The following GLMN variants were observed in gnomAD, a reference collection of about 807,000 sequenced individuals.
GLMN encodes the protein glomulin, FKBP associated protein.
GLMN carries 75 observed loss-of-function variants against 87.8 expected under a neutral mutation model. The observed-to-expected ratio is 0.85, with a 90% CI of 0.71 to 1.04. The LOEUF (loss-of-function observed/expected upper bound fraction) is 1.04, where lower values mean the gene tolerates loss of function less well. GLMN is among the 50% of genes least tolerant of loss of function. The pLI is 0.00. For missense variants in GLMN, 588 were observed against 658.8 expected (o/e 0.89, Z 1.18); for synonymous variants, 206 against 221.6 (o/e 0.93, Z 0.63).
At chr1:92,311,983 G>T in the GLMN span, among the ~76,000 whole-genome samples, 1 of 152,180 alleles carries the variant, frequency 6.6e-6, no homozygotes, top group Non-Finnish European at 1.5e-5. Context: ...TCTATAGGTT[G>T]GGATGGCTGT....
chr1:92,335,747 T>C, the GLMN span, among the ~76,000 whole-genome samples: 1 of 152,228 alleles, frequency 6.6e-6, no homozygotes, highest in Admixed American at 6.5e-5. Flanking sequence ...TTCTATTAAA[T>C]GGGTATAGCA....
At chr1:92,300,285 T>G (rs773787544), upstream of GLMN, 54 of 1,413,028 alleles carry the variant, frequency 3.8e-5, no homozygotes, top group Non-Finnish European at 5.2e-5. Context: ...CTACTTATCT[T>G]GTATTACTTG....
the GLMN span, among the ~76,000 whole-genome samples, chr1:92,319,594 A>G: frequency 6.6e-6 from 1 of 152,186 alleles, no homozygotes; most frequent in Non-Finnish European, 1.5e-5. Context: ...TTTCTCAGAA[A>G]TTAAGGCAAA....
intron 2 of GLMN, 107 bp downstream of exon 2, chr1:92,297,854 G>A: frequency 1.4e-6 from 1 of 705,528 alleles, no homozygotes. Context: ...AAAAAAGCAA[G>A]GATTAAAGAA....
intron 16 of GLMN, among the ~76,000 whole-genome samples, chr1:92,251,790 A>G (rs542376943): frequency 3.3e-4 from 42 of 126,198 alleles, no homozygotes; most frequent in Admixed American, 5.8e-4. Context: ...TCTGATTCCC[A>G]AAACTTTTTT....
the GLMN span, among the ~76,000 whole-genome samples, chr1:92,354,501 A>C: frequency 6.6e-6 from 1 of 152,238 alleles, no homozygotes; most frequent in Non-Finnish European, 1.5e-5. Context: ...GTAATATATC[A>C]CCACAAAGTG....
chr1:92,285,802 G>T (rs1017362390), intron 7 of GLMN, among the ~76,000 whole-genome samples: 1 of 152,160 alleles, frequency 6.6e-6, no homozygotes, highest in Middle Eastern at 3.4e-3. Flanking sequence ...TTGAAATTCA[G>T]AAACATCAAC....
the GLMN span, among the ~76,000 whole-genome samples, chr1:92,356,149 A>T: frequency 2.6e-5 from 4 of 151,544 alleles, no homozygotes; most frequent in African/African-American, 9.7e-5. Flanking sequence ...TTTATTTTTT[A>T]ATTTTTTTAG....
chr1:92,294,789 C>T (rs891655697), intron 3 of GLMN, among the ~76,000 whole-genome samples: 14 of 152,034 alleles, frequency 9.2e-5, no homozygotes, highest in South Asian at 4.1e-4. Context: ...AGCAATCCCC[C>T]CATCTCAGTC....
Position 92,247,138 on chromosome 1 carries a change from T to C in GLMN, c.1592A>G (p.Gln531Arg), listed in dbSNP as rs200389652. 3.3e-6 allele frequency: 5 copies of C among 1,520,890 alleles called. No individual in the cohort carries two copies. The highest frequency in any genetic ancestry group is 4.6e-6 in the Non-Finnish European group (5 of 1,096,658). 94.2% of individuals were successfully genotyped at this position (1,520,890 alleles called of 1,614,324 possible). Residue 531 changes from glutamine (Q) to arginine (R), a missense_variant, in exon 18 of 19, where the codon CAG becomes CGG. Gln to Arg is a conservative substitution (Grantham distance 43). Transcript: ENST00000370360. ...EAEIKNSQEA[Q>R]KSKDLCSITV... Reference sequence around the variant, plus strand: ...TATAGAACAAAGATCTTTAGATTTCTGGGCCTCTGTAAGAGAAGAAAAATC... The same window carrying C: ...TATAGAACAAAGATCTTTAGATTTCCGGGCCTCTGTAAGAGAAGAAAAATC...
intron 16 of GLMN, among the ~76,000 whole-genome samples, chr1:92,256,566 T>C (rs980477287): frequency 6.6e-6 from 1 of 152,154 alleles, no homozygotes; most frequent in African/African-American, 2.4e-5. Flanking sequence ...ATGATCAAGT[T>C]GGCTTCATCC....
chr1:92,343,331 G>A, the GLMN span, among the ~76,000 whole-genome samples: 8 of 152,198 alleles, frequency 5.3e-5, no homozygotes, highest in African/African-American at 1.9e-4. Context: ...ACCCTGTGAG[G>A]TGGGTGATAT....
At chr1:92,255,713 A>G (rs1654136739) in intron 16 of GLMN, among the ~76,000 whole-genome samples, 1 of 152,210 alleles carries the variant, frequency 6.6e-6, no homozygotes, top group South Asian at 2.1e-4. Context: ...TTTGCAACCA[A>G]TGGGAACAAA....
chr1:92,315,111 CAAAA>C, the GLMN span, among the ~76,000 whole-genome samples: 2 of 135,888 alleles, frequency 1.5e-5, no homozygotes, highest in Admixed American at 1.5e-4. Context: ...GTTGCAGTCT[CAAAA>C]AAAAAAAAAA....
chr1:92,290,950 A>G (rs3103177), intron 4 of GLMN, among the ~76,000 whole-genome samples: 131,450 of 152,246 alleles, frequency 0.86, 57,179 homozygotes, highest in East Asian at 1. Flanking sequence ...ACTGATCTGT[A>G]TTCTACCCTA....
At chr1:92,311,570 T>G in the GLMN span, among the ~76,000 whole-genome samples, 2 of 152,206 alleles carry the variant, frequency 1.3e-5, no homozygotes, top group Non-Finnish European at 2.9e-5. Flanking sequence ...CAATTTGAAC[T>G]TGGCATCACT....
the GLMN span, chr1:92,336,418 G>C: frequency 6.3e-7 from 1 of 1,593,894 alleles, no homozygotes. Context: ...AATCTTGTTC[G>C]AACTTTCAGG....
chr1:92,302,934 C>T (rs201864300), upstream of GLMN, among the ~76,000 whole-genome samples: 12 of 151,616 alleles, frequency 7.9e-5, no homozygotes, highest in East Asian at 1.8e-3. Context: ...CACGATGGCT[C>T]ATACCTGTAA....
chr1:92,266,937 TAG>T (rs762020020), intron 11 of GLMN, among the ~76,000 whole-genome samples, 196 bp from the exon 12 acceptor site: 1 of 152,154 alleles, frequency 6.6e-6, no homozygotes, highest in Non-Finnish European at 1.5e-5. Context: ...TGATATTGAG[TAG>T]AGTGTCACAC....
Sources: gnomAD v4.1 joint callset for allele counts (sites outside exome capture counted in the v4.1 genomes callset) on GRCh38, gnomAD v4.1.1 for gene constraint, MANE v1.5 for transcripts, NCBI Gene and HGNC (gene_info 2026-07-23, HGNC 2026-07-21) for gene names.